The following GALNT13 variants were observed in gnomAD, a reference collection of about 807,000 sequenced individuals.
GALNT13 encodes polypeptide N-acetylgalactosaminyltransferase 13.
A neutral mutation model predicts 64.2 loss-of-function variants in GALNT13; 28 were observed. The observed-to-expected ratio is 0.44, with a 90% CI of 0.32 to 0.60. The LOEUF (loss-of-function observed/expected upper bound fraction) is 0.60, where lower values mean the gene tolerates loss of function less well. GALNT13 is among the 20% of genes least tolerant of loss of function. The probability of loss-of-function intolerance (pLI) is 0.05; values close to 1 mark genes in which losing one functional copy is unlikely to be tolerated. For missense variants in GALNT13, 577 were observed against 669.8 expected (o/e 0.86, Z 1.53); for synonymous variants, 214 against 224.6 (o/e 0.95, Z 0.42).
chr2:153,403,349 T>C, the GALNT13 span, among the ~76,000 whole-genome samples: 42 of 152,112 alleles, frequency 2.8e-4, no homozygotes, highest in African/African-American at 5.3e-4. Context: ...GACAGGGACA[T>C]TTAAGTCTGC....
intron 3 of GALNT13, among the ~76,000 whole-genome samples, chr2:154,008,841 C>T (rs553385737): frequency 2.6e-4 from 40 of 152,152 alleles, no homozygotes; most frequent in African/African-American, 8.4e-4. Flanking sequence ...TCCAGTCTAC[C>T]GTTTATGGGC....
intron 9 of GALNT13, among the ~76,000 whole-genome samples, chr2:154,338,416 T>C (rs1342724369): frequency 1.3e-5 from 2 of 152,050 alleles, no homozygotes; most frequent in Non-Finnish European, 1.5e-5. Flanking sequence ...AACACTTTCA[T>C]TGAGGAATTA....
chr2:153,099,432 T>A, the GALNT13 span, among the ~76,000 whole-genome samples: 1 of 152,128 alleles, frequency 6.6e-6, no homozygotes, highest in Non-Finnish European at 1.5e-5. Flanking sequence ...CTCACTGTTA[T>A]GGAAAAGTAC....
chr2:153,335,995 G>A, the GALNT13 span, among the ~76,000 whole-genome samples: 1 of 152,222 alleles, frequency 6.6e-6, no homozygotes. Context: ...TTCAGAGAGT[G>A]GAAGCCCCAA....
At chr2:153,068,868 C>T in the GALNT13 span, among the ~76,000 whole-genome samples, 1 of 152,138 alleles carries the variant, frequency 6.6e-6, no homozygotes, top group African/African-American at 2.4e-5. Flanking sequence ...CCTGCCTTCT[C>T]CTCCCCAATT....
chr2:153,211,397 C>T, the GALNT13 span, among the ~76,000 whole-genome samples: 1 of 152,184 alleles, frequency 6.6e-6, no homozygotes, highest in Non-Finnish European at 1.5e-5. Flanking sequence ...CCCATCTTGG[C>T]TTCCCAAAGT....
At chr2:153,516,316 C>T in the GALNT13 span, among the ~76,000 whole-genome samples, 6 of 152,004 alleles carry the variant, frequency 3.9e-5, no homozygotes, top group South Asian at 2.1e-4. Flanking sequence ...AATGAATGAG[C>T]GAATTATCTT....
At chr2:154,069,589 A>G (rs1700640968) in intron 3 of GALNT13, among the ~76,000 whole-genome samples, 1 of 151,942 alleles carries the variant, frequency 6.6e-6, no homozygotes, top group East Asian at 1.9e-4. Flanking sequence ...AATAATTTTA[A>G]TATTTATATG....
chr2:154,040,340 G>A lies in GALNT13; in HGVS notation c.142+95701G>A, dbSNP rs1215465521. Among the ~76,000 whole-genome samples, 3 of 141,040 alleles carry A rather than the reference G, an allele frequency of 2.1e-5. 1 individual carries two copies. Among genetic ancestry groups the A allele is most frequent in the Non-Finnish European group, 4.9e-5 (3 of 61,366 alleles). The allele number at this position is 141,040 out of a possible 152,430, so 92.5% of individuals were successfully genotyped here. A position where few individuals can be genotyped will look rare whatever the true frequency, so the allele number is the denominator to read the frequency against. On this transcript the variant is annotated intron_variant, in intron 3 of 12. Coordinates refer to ENST00000392825, the MANE Select transcript of GALNT13 (RefSeq NM_052917.4). ...TTCAAATCTAAGTCATCTTTCTGAT[G>A]TATCTTAGGCATTGAAGTTTTGGTG...
At chr2:154,351,383 T>A in intron 9 of GALNT13, among the ~76,000 whole-genome samples, 1 of 151,180 alleles carries the variant, frequency 6.6e-6, no homozygotes, top group South Asian at 2.1e-4. Flanking sequence ...GAAAAAAAAA[T>A]GCAATAGACC....
chr2:154,316,960 C>T (rs986471138), intron 9 of GALNT13, among the ~76,000 whole-genome samples: 3 of 152,152 alleles, frequency 2.0e-5, no homozygotes, highest in Non-Finnish European at 1.5e-5. Context: ...TGCCTGTAAT[C>T]CCAGCACTTT....
intron 4 of GALNT13, among the ~76,000 whole-genome samples, chr2:154,169,866 ACTCT>A (rs373017960): frequency 2.0e-5 from 3 of 150,912 alleles, no homozygotes; most frequent in African/African-American, 4.9e-5. Flanking sequence ...TTGGAGGCTG[ACTCT>A]CTCTCTCTCT....
At chr2:153,466,215 T>C in the GALNT13 span, among the ~76,000 whole-genome samples, 5 of 152,088 alleles carry the variant, frequency 3.3e-5, no homozygotes, top group Non-Finnish European at 5.9e-5. Context: ...ATCTTGCTTG[T>C]TAAGACTTGA....
chr2:153,496,876 C>A, the GALNT13 span, among the ~76,000 whole-genome samples: 6 of 151,678 alleles, frequency 4.0e-5, no homozygotes, highest in African/African-American at 1.5e-4. Context: ...CGCCTGTAGT[C>A]CCAGCTACTC....
At chr2:154,268,514 G>A (rs1294849618) in intron 8 of GALNT13, among the ~76,000 whole-genome samples, 4 of 152,076 alleles carry the variant, frequency 2.6e-5, no homozygotes, top group African/African-American at 9.7e-5. Flanking sequence ...AGCCTCACAA[G>A]TTTCACCTAT....
the GALNT13 span, among the ~76,000 whole-genome samples, chr2:153,658,683 C>T: frequency 5.3e-5 from 8 of 151,792 alleles, no homozygotes; most frequent in East Asian, 1.2e-3. Context: ...AAGACAGATA[C>T]AAATTTAGCA....
intron 3 of GALNT13, among the ~76,000 whole-genome samples, chr2:153,989,828 T>A (rs1222256801): frequency 1.3e-5 from 2 of 152,112 alleles, no homozygotes; most frequent in Non-Finnish European, 1.5e-5. Context: ...CATGTTGATA[T>A]GATCTCAGAA....
the GALNT13 span, among the ~76,000 whole-genome samples, chr2:153,565,504 T>A: frequency 6.6e-6 from 1 of 151,806 alleles, no homozygotes; most frequent in South Asian, 2.1e-4. Context: ...GTGTTTATAG[T>A]GTGTGTGTGT....
rs558624423 is a variant in GALNT13 at position 154,452,864 on chromosome 2, T to C, written c.*2313T>C. ...AAAGTTAAAACCATGATTGGATTCA[T>C]AATGCACTTGTCTTATCCCTTATTT... On this transcript the variant is annotated 3_prime_UTR_variant, in exon 13 of 13. Transcript: ENST00000392825. The C allele has an allele frequency of 1.3e-5, 2 of 152,350 alleles. No individual in the cohort carries two copies. Among genetic ancestry groups the C allele is most frequent in the East Asian group, 3.9e-4 (2 of 5,182 alleles). 9.4% of individuals were successfully genotyped at this position (152,350 alleles called of 1,614,324 possible).
Sources: gnomAD v4.1 joint callset for allele counts (sites outside exome capture counted in the v4.1 genomes callset) on GRCh38, gnomAD v4.1.1 for gene constraint, MANE v1.5 for transcripts, NCBI Gene and HGNC (gene_info 2026-07-23, HGNC 2026-07-21) for gene names.